The following ACCSL variants were observed in gnomAD, a reference collection of about 807,000 sequenced individuals.
The protein encoded by ACCSL is 1-aminocyclopropane-1-carboxylate synthase homolog (inactive) like, also known as probable inactive 1-aminocyclopropane-1-carboxylate synthase-like protein 2.
Under a neutral mutation model 61.7 loss-of-function variants are expected in ACCSL, and 55 were observed. The observed-to-expected ratio is 0.89, with a 90% CI of 0.72 to 1.12. The LOEUF (loss-of-function observed/expected upper bound fraction) is 1.12. Among genes scored for constraint, ACCSL ranks in the 50% most tolerant of loss-of-function variants. The probability of loss-of-function intolerance (pLI) is 0.00; values close to 1 mark genes in which losing one functional copy is unlikely to be tolerated. For synonymous variants in ACCSL, 258 were observed against 264.3 expected (o/e 0.98, Z 0.23); for missense variants, 632 against 698.0 (o/e 0.91, Z 1.07).
At chr11:43,953,827 C>A in the ACCSL span, among the ~76,000 whole-genome samples, 1 of 152,066 alleles carries the variant, frequency 6.6e-6, no homozygotes, top group East Asian at 1.9e-4. Flanking sequence ...AATAACCATA[C>A]AAACCATAGG....
chr11:44,057,351 C>G (rs2134776625), intron 11 of ACCSL, among the ~76,000 whole-genome samples: 1 of 152,326 alleles, frequency 6.6e-6, no homozygotes, highest in Admixed American at 6.5e-5. Context: ...GCTTTCAGCT[C>G]TGGGAGGGGA....
At chr11:43,954,713 T>A in the ACCSL span, among the ~76,000 whole-genome samples, 1 of 151,942 alleles carries the variant, frequency 6.6e-6, no homozygotes, top group African/African-American at 2.4e-5. Flanking sequence ...GCCTCCTGAG[T>A]AGCTAGGATT....
chr11:44,048,441 A>G lies in ACCSL; in HGVS notation c.405A>G (p.Leu135=), dbSNP rs1159049341. ...DCEAAFVNRD[L]SIRGIDISVF... ...AAGCTGCCTTTGTCAACCGCGACCT[A>G]TCCATCCGTGGGATTGACATCTCTG... Residue 135 remains leucine (L), a synonymous_variant, in exon 1 of 14, where the codon CTA becomes CTG. Coordinates refer to ENST00000378832, the MANE Select transcript of ACCSL (RefSeq NM_001031854.2). 1 of 1,613,780 alleles carries G rather than the reference A, an allele frequency of 6.2e-7. No individual in the cohort carries two copies. Among genetic ancestry groups the G allele is most frequent in the Non-Finnish European group, 8.5e-7 (1 of 1,180,010 alleles).
chr11:43,951,604 T>C, the ACCSL span, among the ~76,000 whole-genome samples: 1 of 152,352 alleles, frequency 6.6e-6, no homozygotes, highest in South Asian at 2.1e-4. Context: ...TGAATGATTA[T>C]GATGGTTTGA....
chr11:44,051,465 T>G, intron 4 of ACCSL, 61 bp downstream of exon 4: 1 of 1,597,942 alleles, frequency 6.3e-7, no homozygotes, highest in Non-Finnish European at 8.6e-7. Context: ...TGGAGGATGC[T>G]CTGCCCTTTC....
the ACCSL span, among the ~76,000 whole-genome samples, chr11:43,955,324 T>A: frequency 6.6e-6 from 1 of 152,198 alleles, no homozygotes; most frequent in Non-Finnish European, 1.5e-5. Flanking sequence ...AGAGCAGAAA[T>A]TTATTTCTTA....
At chr11:44,006,655 A>G in the ACCSL span, among the ~76,000 whole-genome samples, 14,503 of 151,760 alleles carry the variant, frequency 0.096, 839 homozygotes, top group East Asian at 0.34. Flanking sequence ...AGAGACACGC[A>G]CCATCACATC....
At chr11:43,949,201 A>G in the ACCSL span, among the ~76,000 whole-genome samples, 1 of 151,740 alleles carries the variant, frequency 6.6e-6, no homozygotes, top group African/African-American at 2.4e-5. Context: ...CTGGGCTGGC[A>G]CCCCCCTCCA....
chr11:43,928,224 A>G, the ACCSL span, among the ~76,000 whole-genome samples: 1 of 152,212 alleles, frequency 6.6e-6, no homozygotes, highest in African/African-American at 2.4e-5. Flanking sequence ...GGCAGAGGTG[A>G]GAAGACCTGG....
Position 44,050,663 on chromosome 11 carries a change from C to A in ACCSL, c.635+41C>A, listed in dbSNP as rs781132053. 8 of 1,584,766 alleles carry A rather than the reference C, an allele frequency of 5.0e-6. No homozygotes were observed. The African/African-American group carries it at 5.4e-5, about 11-fold the overall frequency. ...ATTTAGAGTCTCTTGGTCCCACAGG[C>A]AGCTGTCCTTATCCAGAAGGAGGAT... On this transcript the variant is annotated intron_variant, in intron 3 of 13. Transcript: ENST00000378832.
the ACCSL span, among the ~76,000 whole-genome samples, chr11:43,979,722 C>G: frequency 2.8e-4 from 42 of 151,818 alleles, no homozygotes; most frequent in African/African-American, 9.4e-4. Flanking sequence ...TGGTGCATGC[C>G]TGTAGTCCCA....
the ACCSL span, among the ~76,000 whole-genome samples, chr11:43,932,868 CA>C: frequency 2.0e-5 from 3 of 152,220 alleles, no homozygotes; most frequent in East Asian, 1.9e-4. Context: ...GCTCCTGACT[CA>C]ATAGCCACCC....
chr11:43,938,591 G>T, the ACCSL span, among the ~76,000 whole-genome samples: 1 of 152,158 alleles, frequency 6.6e-6, no homozygotes, highest in East Asian at 1.9e-4. Context: ...ATCACCTGAG[G>T]TCAGGAGTTT....
chr11:43,966,445 A>G, the ACCSL span, among the ~76,000 whole-genome samples: 2 of 151,946 alleles, frequency 1.3e-5, no homozygotes, highest in African/African-American at 4.8e-5. Flanking sequence ...AAAAAGAAAA[A>G]AAAATTAAAA....
At chr11:44,011,450 A>G in the ACCSL span, among the ~76,000 whole-genome samples, 1 of 152,218 alleles carries the variant, frequency 6.6e-6, no homozygotes, top group Non-Finnish European at 1.5e-5. Context: ...AGCACAAAGC[A>G]TGGAAGAAGG....
At chr11:43,982,382 C>G in the ACCSL span, among the ~76,000 whole-genome samples, 4 of 151,946 alleles carry the variant, frequency 2.6e-5, no homozygotes, top group African/African-American at 4.8e-5. Flanking sequence ...CACATACCCC[C>G]ATGCCCGGCT....
At chr11:43,949,463 A>G in the ACCSL span, among the ~76,000 whole-genome samples, 13 of 152,324 alleles carry the variant, frequency 8.5e-5, no homozygotes, top group East Asian at 1.7e-3. Flanking sequence ...GCTGGGAACT[A>G]TGTCAGGCAA....
chr11:44,002,327 G>T, the ACCSL span, among the ~76,000 whole-genome samples: 2 of 152,156 alleles, frequency 1.3e-5, no homozygotes, highest in Non-Finnish European at 2.9e-5. Flanking sequence ...CCCCGAGCTG[G>T]CCTACCTGCA....
At chr11:43,980,393 GCTGT>G in the ACCSL span, among the ~76,000 whole-genome samples, 1 of 152,188 alleles carries the variant, frequency 6.6e-6, no homozygotes, top group African/African-American at 2.4e-5. Context: ...TTCATCGTCA[GCTGT>G]CTATTTTTGC....
Sources: gnomAD v4.1 joint callset for allele counts (sites outside exome capture counted in the v4.1 genomes callset) on GRCh38, gnomAD v4.1.1 for gene constraint, MANE v1.5 for transcripts, NCBI Gene and HGNC (gene_info 2026-07-23, HGNC 2026-07-21) for gene names.